Variants in KCNMB4 observed in about 807,000 individuals in gnomAD.
KCNMB4 encodes the protein potassium calcium-activated channel subfamily M regulatory beta subunit 4, also known as calcium-activated potassium channel subunit beta-4.
In KCNMB4, 3 loss-of-function variants were observed where a neutral mutation model predicts 20.7. That is an observed-to-expected ratio of 0.14 (90% CI 0.07 to 0.37). The LOEUF (loss-of-function observed/expected upper bound fraction) is 0.37, where lower values mean the gene tolerates loss of function less well. Among genes scored for constraint, KCNMB4 ranks in the 10% least tolerant of loss-of-function variants. KCNMB4 has a pLI of 1.00. For missense variants in KCNMB4, 168 were observed against 265.9 expected, an observed-to-expected ratio of 0.63 and a Z score of 2.56; for synonymous variants, 110 against 113.4, an observed-to-expected ratio of 0.97 and a Z score of 0.19.
At chr12:70,392,823 G>A (rs1387598227) in intron 1 of KCNMB4, among the ~76,000 whole-genome samples, 1 of 152,068 alleles carries the variant, frequency 6.6e-6, no homozygotes, top group East Asian at 1.9e-4. Flanking sequence ...CACACACTGG[G>A]GCCTGTTGGG....
chr12:70,421,880 C>CTT (rs34594277), intron 2 of KCNMB4, among the ~76,000 whole-genome samples: 31 of 136,882 alleles, frequency 2.3e-4, no homozygotes, highest in African/African-American at 6.4e-4. Flanking sequence ...CATGCCTGGC[C>CTT]TTTTTTTTTT....
intron 1 of KCNMB4, among the ~76,000 whole-genome samples, chr12:70,381,468 G>A (rs1261000924): frequency 6.6e-6 from 1 of 152,086 alleles, no homozygotes; most frequent in African/African-American, 2.4e-5. Flanking sequence ...CTAAAAGGTG[G>A]AAACAAACCA....
Position 70,367,021 on chromosome 12 carries a change from C to G in KCNMB4, c.287C>G (p.Ser96Cys). The G allele has an allele frequency of 6.3e-7, 1 of 1,581,342 alleles. No individual in the cohort carries two copies. The highest frequency in any genetic ancestry group is 8.6e-7 in the Non-Finnish European group (1 of 1,159,510). ...QVYVNNSESN[S>C]RALLHSDEHQ... is the part of the protein sequence containing the mutation. ...TACGTGAACAACTCTGAGTCCAACTCTAGGGCGCTGCTGCACAGCGACGAG... is the reference window on the plus strand; with the variant it reads ...TACGTGAACAACTCTGAGTCCAACTGTAGGGCGCTGCTGCACAGCGACGAG... Residue 96 changes from serine (S) to cysteine (C), a missense_variant, in exon 1 of 3, where the codon TCT becomes TGT. By Grantham distance (112) the Ser-to-Cys change is moderately radical (BLOSUM62 -1). Transcript: ENST00000258111.
At position 70,430,545 on chromosome 12, in the gene KCNMB4, C is replaced by T. The variant is rs747155933; in HGVS notation, c.525C>T (p.Leu175=). ...AGATTGTCCTCCTGCATTGCTTCCT[C>T]TGGCCCCTGGTGACATTTGTGGTGG... ...HDEIVLLHCF[L]WPLVTFVVGV... is the part of the protein sequence containing the mutation. Residue 175 remains leucine (L), a synonymous_variant, in exon 3 of 3, where the codon CTC becomes CTT. Coordinates refer to ENST00000258111, the MANE Select transcript of KCNMB4 (RefSeq NM_014505.6). The T allele has an allele frequency of 1.2e-6, 2 of 1,613,972 alleles. No homozygotes were observed. Among genetic ancestry groups the T allele is most frequent in the Non-Finnish European group, 1.7e-6 (2 of 1,179,958 alleles).
In KCNMB4 at chr12:70,416,655, T is replaced by A. The variant is rs572226913; in HGVS notation, c.465-13830T>A. Among the ~76,000 whole-genome samples, 11 of 152,364 alleles carry A rather than the reference T, an allele frequency of 7.2e-5. 1 individual carries two copies. The South Asian group carries it at 1.9e-3, about 26-fold the overall frequency. On this transcript the variant is annotated intron_variant, in intron 2 of 2. Transcript: ENST00000258111. ...GCCTCAAAATTAATTTAGCTAATTT[T>A]ACTTTGCAAAGGCATTTCAAGATGT...
At chr12:70,420,832 G>A (rs947244000) in intron 2 of KCNMB4, among the ~76,000 whole-genome samples, 2 of 152,134 alleles carry the variant, frequency 1.3e-5, no homozygotes, top group Non-Finnish European at 2.9e-5. Context: ...GCCGAGGCGG[G>A]CGGATCATGA....
intron 1 of KCNMB4, among the ~76,000 whole-genome samples, chr12:70,394,092 G>A (rs1300906529): frequency 6.6e-6 from 1 of 152,148 alleles, no homozygotes. Flanking sequence ...GCTTGCTTCG[G>A]GGGAGGTGGA....
At chr12:70,391,037 A>C (rs974077421) in intron 1 of KCNMB4, among the ~76,000 whole-genome samples, 4 of 152,176 alleles carry the variant, frequency 2.6e-5, no homozygotes, top group Admixed American at 1.3e-4. Context: ...AAGGGCTTTA[A>C]GTATAAACCA....
At chr12:70,399,556 A>G (rs891797072) in intron 1 of KCNMB4, among the ~76,000 whole-genome samples, 1 of 152,230 alleles carries the variant, frequency 6.6e-6, no homozygotes, top group Non-Finnish European at 1.5e-5. Context: ...TCATTTTAAC[A>G]TCTGGACTTA....
Position 70,430,948 on chromosome 12 carries a change from T to A in KCNMB4, c.*295T>A, listed in dbSNP as rs374822822. Reference sequence around the variant, plus strand: ...TCTTTCAAAAGTAACAGTATATTATTTGTACAGTGTAGTATACAAACCATT... The same window carrying A: ...TCTTTCAAAAGTAACAGTATATTATATGTACAGTGTAGTATACAAACCATT... On this transcript the variant is annotated 3_prime_UTR_variant, in exon 3 of 3. Transcript: ENST00000258111. 2 of 263,056 alleles carry A rather than the reference T, an allele frequency of 7.6e-6. No individual in the cohort carries two copies. 16.3% of individuals were successfully genotyped at this position (263,056 alleles called of 1,614,324 possible). A position where few individuals can be genotyped will look rare whatever the true frequency, so the allele number is the denominator to read the frequency against.
rs1004626410 is a variant in KCNMB4 at position 70,382,249 on chromosome 12, C to T, written c.336+15179C>T. The stretch of plus-strand genomic sequence containing the variant: ...TCACGAGGTCAGGAGATCGAGACCA[C>T]GGTGAAACCCTGTCTCTACTAAAAA... On this transcript the variant is annotated intron_variant, in intron 1 of 2. Transcript: ENST00000258111. Among the ~76,000 whole-genome samples, 140 of 151,352 alleles carry T rather than the reference C, an allele frequency of 9.2e-4. 1 individual carries two copies. The highest frequency in any genetic ancestry group is 3.2e-4 in the Non-Finnish European group (22 of 67,722).
intron 1 of KCNMB4, among the ~76,000 whole-genome samples, chr12:70,370,296 TG>T (rs1883567455): frequency 1.1e-5 from 1 of 93,704 alleles, no homozygotes; most frequent in Non-Finnish European, 1.9e-5. Context: ...CTGAATTTTT[TG>T]TTTTTTTTTG....
At chr12:70,414,958 G>A (rs967002571) in intron 2 of KCNMB4, among the ~76,000 whole-genome samples, 28 of 152,038 alleles carry the variant, frequency 1.8e-4, no homozygotes, top group Non-Finnish European at 2.9e-5. Context: ...AGTCAAAATG[G>A]CTTTGATTTT....
At position 70,395,678 on chromosome 12, in the gene KCNMB4, C is replaced by A. The variant is rs535611830; in HGVS notation, c.337-4531C>A. 9.2e-5 allele frequency among the ~76,000 whole-genome samples: 14 copies of A among 152,084 alleles called. No individual in the cohort carries two copies. In the South Asian group the frequency reaches 2.9e-3, roughly 32 times the overall value. ...TTTATGTTATTCTTGTCAGGATAGC[C>A]CACTCGGTTCCATGAACTTTGTTCA... On this transcript the variant is annotated intron_variant, in intron 1 of 2. Coordinates refer to ENST00000258111, the MANE Select transcript of KCNMB4 (RefSeq NM_014505.6).
intron 2 of KCNMB4, among the ~76,000 whole-genome samples, chr12:70,408,307 C>G: frequency 6.6e-6 from 1 of 152,152 alleles, no homozygotes; most frequent in East Asian, 1.9e-4. Context: ...ACACTTTTTA[C>G]TACTGCTAAA....
chr12:70,390,109 T>G (rs1006023679), intron 1 of KCNMB4, among the ~76,000 whole-genome samples: 1 of 152,232 alleles, frequency 6.6e-6, no homozygotes, highest in African/African-American at 2.4e-5. Flanking sequence ...AGCTCAAATT[T>G]GCTCATCCAT....
intron 1 of KCNMB4, among the ~76,000 whole-genome samples, chr12:70,373,902 C>G (rs1025250171): frequency 3.3e-5 from 5 of 152,142 alleles, no homozygotes; most frequent in Non-Finnish European, 7.3e-5. Context: ...GGGAGGATTA[C>G]TTGAGCCTAA....
chr12:70,399,736 C>A (rs710652), intron 1 of KCNMB4, among the ~76,000 whole-genome samples: 71,460 of 151,880 alleles, frequency 0.47, 17,241 homozygotes, highest in African/African-American at 0.58. Context: ...AGAGAATGTA[C>A]GAAAAGAAAA....
At chr12:70,428,063 A>G (rs1331250263) in intron 2 of KCNMB4, among the ~76,000 whole-genome samples, 2 of 152,040 alleles carry the variant, frequency 1.3e-5, no homozygotes, top group Non-Finnish European at 2.9e-5. Context: ...CTGTCACCCA[A>G]GCTGGAGTGC....
Sources: allele counts gnomAD v4.1 joint callset (sites outside exome capture counted in the v4.1 genomes callset), GRCh38; gene constraint gnomAD v4.1.1; transcripts MANE v1.5; gene names NCBI Gene and HGNC (gene_info 2026-07-23, HGNC 2026-07-21).